Variants in NALF1 observed in about 807,000 individuals in gnomAD.
NALF1 encodes the protein family with sequence similarity 155 member A.
Under a neutral mutation model 48.4 loss-of-function variants are expected in NALF1, and 3 were observed. That is an observed-to-expected ratio of 0.06 (90% CI 0.03 to 0.16). The LOEUF (loss-of-function observed/expected upper bound fraction) is 0.16. NALF1 is among the 10% of genes least tolerant of loss of function. The pLI is 1.00. For missense variants in NALF1, 526 were observed against 571.5 expected, an observed-to-expected ratio of 0.92 and a Z score of 0.81; for synonymous variants, 262 against 245.7, an observed-to-expected ratio of 1.07 and a Z score of -0.62.
rs539857754 is a variant in NALF1, at chr13:107,724,874, C to G, written c.915+140808G>C. Among the ~76,000 whole-genome samples, 541 of 152,256 alleles carry G rather than the reference C, an allele frequency of 3.6e-3. 3 individuals are homozygous for G. Among genetic ancestry groups the G allele is most frequent in the Non-Finnish European group, 6.4e-3 (438 of 68,020 alleles). ...GGGATTACAGGCATGAACCACCGTG[C>G]CTGGCCCAAACCTGTATTTTCTAGG... On this transcript the variant is annotated intron_variant, in intron 1 of 2. Coordinates refer to ENST00000375915, the MANE Select transcript of NALF1 (RefSeq NM_001080396.3).
chr13:107,279,011 C>A (rs564381973), intron 1 of NALF1, among the ~76,000 whole-genome samples: 11 of 148,910 alleles, frequency 7.4e-5, no homozygotes, highest in Non-Finnish European at 1.5e-4. Context: ...TCTATTCATT[C>A]ATTCAGGTCT....
At chr13:107,536,172 G>T (rs1876802033) in intron 1 of NALF1, among the ~76,000 whole-genome samples, 1 of 152,164 alleles carries the variant, frequency 6.6e-6, no homozygotes, top group African/African-American at 2.4e-5. Context: ...CATGGGCAAG[G>T]ACTTCACGTC....
At chr13:107,426,052 C>T (rs1025189771) in intron 1 of NALF1, among the ~76,000 whole-genome samples, 1 of 152,296 alleles carries the variant, frequency 6.6e-6, no homozygotes, top group East Asian at 1.9e-4. Context: ...GGACCTTACT[C>T]GCTGCTGTGC....
intron 1 of NALF1, among the ~76,000 whole-genome samples, chr13:107,855,547 T>C (rs931834844): frequency 1.3e-5 from 2 of 152,172 alleles, no homozygotes; most frequent in Non-Finnish European, 2.9e-5. Context: ...TACCAAAGAA[T>C]TGTACACTTT....
At chr13:107,793,169 C>T (rs946048859) in intron 1 of NALF1, among the ~76,000 whole-genome samples, 1 of 152,108 alleles carries the variant, frequency 6.6e-6, no homozygotes, top group Non-Finnish European at 1.5e-5. Context: ...AATCAGAAAG[C>T]TTGTTCTGTG....
At chr13:107,257,437 T>A (rs1343630754) in intron 1 of NALF1, among the ~76,000 whole-genome samples, 1 of 151,974 alleles carries the variant, frequency 6.6e-6, no homozygotes, top group Non-Finnish European at 1.5e-5. Flanking sequence ...AAAATATGAG[T>A]GTGTAAAAGA....
intron 1 of NALF1, among the ~76,000 whole-genome samples, chr13:107,268,958 G>A (rs1314417750): frequency 6.6e-6 from 1 of 152,082 alleles, no homozygotes; most frequent in Non-Finnish European, 1.5e-5. Flanking sequence ...GATTAGATGA[G>A]TGTTTTTCTA....
chr13:107,478,880 T>C (rs1260621603), intron 1 of NALF1, among the ~76,000 whole-genome samples: 1 of 152,074 alleles, frequency 6.6e-6, no homozygotes. Flanking sequence ...ATTTGAGAAA[T>C]ATGTGGAATG....
intron 1 of NALF1, among the ~76,000 whole-genome samples, chr13:107,267,800 C>T (rs1881071650): frequency 6.6e-6 from 1 of 152,246 alleles, no homozygotes; most frequent in South Asian, 2.1e-4. Context: ...AAGACAGCAA[C>T]ACCACACCAG....
chr13:107,438,848 A>AAAAAAAAAAAAAAAAAAAAAAT, intron 1 of NALF1, among the ~76,000 whole-genome samples: 1 of 147,850 alleles, frequency 6.8e-6, no homozygotes, highest in African/African-American at 2.5e-5. Flanking sequence ...AAAAAAAAAA[A>AAAAAAAAAAAAAAAAAAAAAAT]AAAGAATAAT....
intron 1 of NALF1, among the ~76,000 whole-genome samples, chr13:107,379,253 T>C (rs1883391041): frequency 6.6e-6 from 1 of 152,182 alleles, no homozygotes; most frequent in Admixed American, 6.5e-5. Context: ...TTGTAGGCTG[T>C]TAATTAATTA....
chr13:107,626,868 T>C (rs1447856975), intron 1 of NALF1, among the ~76,000 whole-genome samples: 1 of 152,060 alleles, frequency 6.6e-6, no homozygotes, highest in Non-Finnish European at 1.5e-5. Context: ...TGGTAAACTA[T>C]ATATGCATAC....
intron 1 of NALF1, among the ~76,000 whole-genome samples, chr13:107,607,246 T>G (rs936786532): frequency 6.6e-6 from 1 of 152,154 alleles, no homozygotes; most frequent in African/African-American, 2.4e-5. Flanking sequence ...GAGTACTGCA[T>G]AGTAAAACAT....
At chr13:107,719,683 A>G (rs1875927576) in intron 1 of NALF1, among the ~76,000 whole-genome samples, 1 of 151,964 alleles carries the variant, frequency 6.6e-6, no homozygotes, top group African/African-American at 2.4e-5. Flanking sequence ...ATTGCTCATA[A>G]TGGTGTGCTA....
At chr13:107,697,379 A>G (rs938536853) in intron 1 of NALF1, among the ~76,000 whole-genome samples, 1 of 152,170 alleles carries the variant, frequency 6.6e-6, no homozygotes. Flanking sequence ...AAAAAAATCA[A>G]TTCCAAGGGT....
chr13:107,390,906 A>AATG (rs1883616153), intron 1 of NALF1, among the ~76,000 whole-genome samples: 1 of 149,428 alleles, frequency 6.7e-6, no homozygotes, highest in African/African-American at 2.4e-5. Flanking sequence ...TAATAATAAT[A>AATG]ATAGAGGCTG....
chr13:107,229,637 C>T (rs2138823458), intron 1 of NALF1, among the ~76,000 whole-genome samples: 1 of 152,210 alleles, frequency 6.6e-6, no homozygotes, highest in South Asian at 2.1e-4. Flanking sequence ...AAGCAGCACC[C>T]CACACCCATG....
intron 1 of NALF1, among the ~76,000 whole-genome samples, chr13:107,363,346 T>C (rs1259474097): frequency 6.6e-6 from 1 of 152,252 alleles, no homozygotes; most frequent in East Asian, 1.9e-4. Context: ...ATAATCAAAG[T>C]GCTTTGGGAG....
chr13:107,445,040 T>C (rs537935730), intron 1 of NALF1, among the ~76,000 whole-genome samples: 47 of 152,212 alleles, frequency 3.1e-4, no homozygotes, highest in Non-Finnish European at 5.9e-4. Flanking sequence ...TGCATAATTA[T>C]AGTAAGGTAT....
Sources: gnomAD v4.1 joint callset for allele counts (sites outside exome capture counted in the v4.1 genomes callset) on GRCh38, gnomAD v4.1.1 for gene constraint, MANE v1.5 for transcripts, NCBI Gene and HGNC (gene_info 2026-07-23, HGNC 2026-07-21) for gene names.